Variants in ZCCHC24 observed in about 807,000 individuals in gnomAD.
ZCCHC24 encodes zinc finger CCHC-type containing 24.
ZCCHC24 carries 10 observed loss-of-function variants against 26.2 expected under a neutral mutation model. That is an observed-to-expected ratio of 0.38 (90% confidence interval 0.24 to 0.65). ZCCHC24 has a LOEUF of 0.65. Ranked by LOEUF, ZCCHC24 falls within the 30% of genes least tolerant of loss-of-function variation. The pLI is 0.54. For synonymous variants in ZCCHC24, 144 were observed against 147.1 expected, an observed-to-expected ratio of 0.98 and a Z score of 0.15; for missense variants, 243 against 329.1, an observed-to-expected ratio of 0.74 and a Z score of 2.03.
At chr10:79,410,330 A>G (rs1352274933) in intron 2 of ZCCHC24, among the ~76,000 whole-genome samples, 1 of 152,216 alleles carries the variant, frequency 6.6e-6, no homozygotes, top group East Asian at 1.9e-4. Flanking sequence ...CTTGTTCACT[A>G]TGGAATGTCC....
intron 2 of ZCCHC24, among the ~76,000 whole-genome samples, chr10:79,410,556 G>C (rs1048014624): frequency 2.0e-5 from 3 of 152,218 alleles, no homozygotes; most frequent in African/African-American, 7.2e-5. Context: ...CTGTGCAAAG[G>C]GCTAGACCAC....
At chr10:79,416,601 G>GAT (rs1210133601) in intron 2 of ZCCHC24, among the ~76,000 whole-genome samples, 5 of 152,196 alleles carry the variant, frequency 3.3e-5, no homozygotes, top group Non-Finnish European at 7.3e-5. Flanking sequence ...GTGATGTGCT[G>GAT]GTACATGGAG....
At chr10:79,405,201 A>T (rs1398954045) in intron 2 of ZCCHC24, among the ~76,000 whole-genome samples, 1 of 152,052 alleles carries the variant, frequency 6.6e-6, no homozygotes, top group Non-Finnish European at 1.5e-5. Context: ...CCCTGACCCA[A>T]CCTCCAGCTT....
intron 1 of ZCCHC24, among the ~76,000 whole-genome samples, chr10:79,439,985 T>C (rs576014412): frequency 1.3e-5 from 2 of 152,146 alleles, no homozygotes; most frequent in African/African-American, 4.8e-5. Flanking sequence ...GCATTTTAGG[T>C]AGCAGCAATA....
chr10:79,402,763 G>A (rs941593204), intron 2 of ZCCHC24, among the ~76,000 whole-genome samples: 3 of 152,190 alleles, frequency 2.0e-5, no homozygotes, highest in African/African-American at 7.2e-5. Context: ...ACACAGCCAT[G>A]GAGCCAGAAC....
intron 3 of ZCCHC24, among the ~76,000 whole-genome samples, chr10:79,389,665 G>C (rs1008986748): frequency 6.6e-6 from 1 of 152,004 alleles, no homozygotes; most frequent in Non-Finnish European, 1.5e-5. Context: ...GCCTAGGCTG[G>C]AGTGCAGTGA....
intron 2 of ZCCHC24, among the ~76,000 whole-genome samples, chr10:79,429,248 A>G (rs527324654): frequency 6.6e-6 from 1 of 152,334 alleles, no homozygotes; most frequent in South Asian, 2.1e-4. Flanking sequence ...AGAGAGAGAA[A>G]TAGATGAGTG....
Position 79,403,078 on chromosome 10 carries a change from C to T in ZCCHC24, c.448-8638G>A, listed in dbSNP as rs1171357625. On this transcript the variant is annotated intron_variant, in intron 2 of 3. Coordinates refer to ENST00000372336, the MANE Select transcript of ZCCHC24 (RefSeq NM_153367.4). ...GAAGTCAGCCCTGTGACCCTTTCCC[C>T]AACCGTGACCCACACCAGTCGCGAA... Among the ~76,000 whole-genome samples, 8 of 152,218 alleles carry T rather than the reference C, an allele frequency of 5.3e-5. No homozygotes were observed. In the East Asian group the frequency reaches 1.3e-3, roughly 26 times the overall value.
intron 2 of ZCCHC24, among the ~76,000 whole-genome samples, chr10:79,412,128 G>A (rs1278547048): frequency 6.6e-6 from 1 of 152,240 alleles, no homozygotes; most frequent in Admixed American, 6.5e-5. Context: ...GCCTGGGTGT[G>A]CACAGGTCTG....
chr10:79,435,851 A>T (rs1039191665), intron 1 of ZCCHC24, among the ~76,000 whole-genome samples: 1 of 152,330 alleles, frequency 6.6e-6, no homozygotes, highest in East Asian at 1.9e-4. Flanking sequence ...TGAAAGGCAA[A>T]TCAGTCTCCT....
At position 79,386,311 on chromosome 10, in the gene ZCCHC24, C is replaced by G. The variant is rs759519605; in HGVS notation, c.*34G>C. 1.9e-6 allele frequency: 3 copies of G among 1,593,146 alleles called. No homozygotes were observed. The South Asian group carries it at 3.4e-5, about 18-fold the overall frequency. On this transcript the variant is annotated 3_prime_UTR_variant, in exon 4 of 4. Transcript: ENST00000372336. ...GGGAAGCAGCGTCTCCTCGGGCTGG[C>G]GGGGGGTGGCTCTGGGTGCGGGCGG...
chr10:79,403,347 T>C (rs4980074), intron 2 of ZCCHC24: 940,824 of 980,144 alleles, frequency 0.96, 451,586 homozygotes, highest in East Asian at 1. Flanking sequence ...TGCCAAGTGC[T>C]GAGCCCCTGG....
intron 2 of ZCCHC24, among the ~76,000 whole-genome samples, chr10:79,398,470 G>A (rs1856577502): frequency 6.6e-6 from 1 of 152,204 alleles, no homozygotes; most frequent in African/African-American, 2.4e-5. Context: ...TTCGTTGCCT[G>A]CACTAGGAGA....
intron 2 of ZCCHC24, among the ~76,000 whole-genome samples, chr10:79,424,031 A>AAG (rs1554841929): frequency 8.7e-5 from 13 of 149,252 alleles, no homozygotes; most frequent in East Asian, 4.0e-4. Flanking sequence ...AAAAAAAAAA[A>AAG]AAAAGAAAAG....
At chr10:79,429,275 G>T (rs1251321710) in intron 2 of ZCCHC24, among the ~76,000 whole-genome samples, 6 of 152,186 alleles carry the variant, frequency 3.9e-5, no homozygotes, top group Admixed American at 2.0e-4. Context: ...GATGCGAGGG[G>T]ATGGATGATC....
At chr10:79,404,135 C>T (rs906104466) in intron 2 of ZCCHC24, among the ~76,000 whole-genome samples, 2 of 152,144 alleles carry the variant, frequency 1.3e-5, no homozygotes, top group Admixed American at 1.3e-4. Context: ...ACGGGGCCCA[C>T]AGAGGCCAAG....
intron 1 of ZCCHC24, chr10:79,443,967 G>T: frequency 8.4e-7 from 1 of 1,196,906 alleles, no homozygotes. Context: ...ATATGTCCAT[G>T]CCTCCCCTAG....
chr10:79,389,691 C>T (rs1486012452), intron 3 of ZCCHC24, among the ~76,000 whole-genome samples: 1 of 152,140 alleles, frequency 6.6e-6, no homozygotes, highest in African/African-American at 2.4e-5. Context: ...TCTCGGCTCA[C>T]AGCAACCTCT....
intron 1 of ZCCHC24, among the ~76,000 whole-genome samples, chr10:79,443,581 G>A (rs1362856400): frequency 6.6e-6 from 1 of 152,202 alleles, no homozygotes; most frequent in African/African-American, 2.4e-5. Context: ...CCACTAGCCT[G>A]TGGCTGTGAA....
Sources: gnomAD v4.1 joint callset for allele counts (sites outside exome capture counted in the v4.1 genomes callset) on GRCh38, gnomAD v4.1.1 for gene constraint, MANE v1.5 for transcripts, NCBI Gene and HGNC (gene_info 2026-07-23, HGNC 2026-07-21) for gene names.